Variants in SORCS3 observed in about 807,000 individuals in gnomAD.
The protein encoded by SORCS3 is sortilin related VPS10 domain containing receptor 3, also known as VPS10 domain-containing receptor SorCS3.
A neutral mutation model predicts 146.3 loss-of-function variants in SORCS3; 57 were observed. The observed-to-expected ratio is 0.39, with a 90% CI of 0.31 to 0.49. SORCS3 has a LOEUF of 0.49. Among genes scored for constraint, SORCS3 ranks in the 20% least tolerant of loss-of-function variants. SORCS3 has a pLI of 0.92. For synonymous variants in SORCS3, 653 were observed against 618.5 expected, an observed-to-expected ratio of 1.06 and a Z score of -0.83; for missense variants, 1,341 against 1,575.5, an observed-to-expected ratio of 0.85 and a Z score of 2.52.
chr10:105,154,968 C>G lies in SORCS3; in HGVS notation c.1483-2170C>G, dbSNP rs75476818. On this transcript the variant is annotated intron_variant, in intron 9 of 26. Coordinates refer to ENST00000369701, the MANE Select transcript of SORCS3 (RefSeq NM_014978.3). ...ATGTAAGGGCTTTGAACTATCCAAA[C>G]ACAAGTGGGAAATGTTCCGTTTGTT... Among the ~76,000 whole-genome samples the G allele has an allele frequency of 2.1e-3, 318 of 152,316 alleles. 2 individuals carry two copies. Among genetic ancestry groups the G allele is most frequent in the African/African-American group, 7.1e-3 (296 of 41,570 alleles).
intron 1 of SORCS3, among the ~76,000 whole-genome samples, chr10:104,720,438 A>C (rs34694345): frequency 0.21 from 32,372 of 152,168 alleles, 3,595 homozygotes; most frequent in Non-Finnish European, 0.25. Flanking sequence ...AATAAACATA[A>C]GTGTGCATGT....
chr10:105,123,624 A>G (rs562402243), intron 7 of SORCS3, among the ~76,000 whole-genome samples: 288 of 152,336 alleles, frequency 1.9e-3, no homozygotes, highest in Non-Finnish European at 3.2e-3. Flanking sequence ...AGTTCCTGCC[A>G]TAACAGGGTT....
At chr10:105,010,052 C>A (rs2055124438) in intron 4 of SORCS3, among the ~76,000 whole-genome samples, 1 of 152,124 alleles carries the variant, frequency 6.6e-6, no homozygotes, top group African/African-American at 2.4e-5. Context: ...AAATCTGACT[C>A]CCAGCTCTGG....
chr10:104,803,618 C>G lies in SORCS3; in HGVS notation c.628-39174C>G, dbSNP rs1323554632. 3.3e-5 allele frequency among the ~76,000 whole-genome samples: 5 copies of G among 152,186 alleles called. No individual in the cohort carries two copies. The East Asian group carries it at 9.6e-4, about 29-fold the overall frequency. On this transcript the variant is annotated intron_variant, in intron 1 of 26. Transcript: ENST00000369701. The stretch of plus-strand genomic sequence containing the variant: ...CTATAATCCTGTGTGTTGCCCATCA[C>G]TAGCACTTTTTCCCTTCTCCCTTAT...
At chr10:105,224,468 GTTTA>G (rs1235671199) in intron 20 of SORCS3, among the ~76,000 whole-genome samples, 2 of 152,096 alleles carry the variant, frequency 1.3e-5, no homozygotes, top group Non-Finnish European at 2.9e-5. Flanking sequence ...ATGTATCACA[GTTTA>G]TTTATCCATT....
chr10:105,242,484 TTATATATTTATATATATTTA>T (rs796397778), intron 20 of SORCS3, among the ~76,000 whole-genome samples: 32 of 80,742 alleles, frequency 4.0e-4, no homozygotes, highest in Admixed American at 1.6e-3. Context: ...ATTTATATAT[TTATATATTTATATATATTTA>T]TATATATTTA....
chr10:105,162,636 A>T (rs76839553), intron 11 of SORCS3, among the ~76,000 whole-genome samples: 3 of 152,160 alleles, frequency 2.0e-5, no homozygotes, highest in African/African-American at 7.2e-5. Context: ...TTGACAGAAG[A>T]TATTTCCACA....
At chr10:105,160,794 T>C (rs1223600204) in intron 11 of SORCS3, among the ~76,000 whole-genome samples, 1 of 152,244 alleles carries the variant, frequency 6.6e-6, no homozygotes, top group Non-Finnish European at 1.5e-5. Flanking sequence ...ATCCGATGCA[T>C]GCACTATGCA....
intron 1 of SORCS3, among the ~76,000 whole-genome samples, chr10:104,700,429 A>G (rs1011162235): frequency 1.3e-5 from 2 of 152,132 alleles, no homozygotes; most frequent in African/African-American, 4.8e-5. Context: ...GTGTTCTGGC[A>G]ATTTAGAGCT....
At chr10:104,943,303 GT>G (rs1445510293) in intron 3 of SORCS3, among the ~76,000 whole-genome samples, 1 of 152,004 alleles carries the variant, frequency 6.6e-6, no homozygotes, top group Non-Finnish European at 1.5e-5. Flanking sequence ...CTAATGTTTT[GT>G]ATTTTAGTAG....
At chr10:105,019,709 A>G (rs1486967556) in intron 4 of SORCS3, among the ~76,000 whole-genome samples, 1 of 152,164 alleles carries the variant, frequency 6.6e-6, no homozygotes, top group Admixed American at 6.5e-5. Flanking sequence ...ACCCTGTTCC[A>G]TGATGCACAT....
chr10:104,790,849 A>G (rs543397520), intron 1 of SORCS3, among the ~76,000 whole-genome samples: 2 of 152,334 alleles, frequency 1.3e-5, no homozygotes, highest in South Asian at 4.1e-4. Flanking sequence ...TATATGAGCA[A>G]TCACTATTGA....
intron 3 of SORCS3, among the ~76,000 whole-genome samples, chr10:104,965,514 G>A (rs2054821552): frequency 6.6e-6 from 1 of 152,168 alleles, no homozygotes; most frequent in Non-Finnish European, 1.5e-5. Context: ...TGTAGTGGCT[G>A]CACCATTTTT....
chr10:104,836,892 A>G (rs576751324), intron 1 of SORCS3, among the ~76,000 whole-genome samples: 2 of 148,982 alleles, frequency 1.3e-5, no homozygotes, highest in Admixed American at 6.6e-5. Context: ...ATTTAAAAAG[A>G]AAAAAAAGAA....
intron 7 of SORCS3, among the ~76,000 whole-genome samples, chr10:105,113,646 T>C (rs1274265366): frequency 6.6e-6 from 1 of 152,206 alleles, no homozygotes; most frequent in Non-Finnish European, 1.5e-5. Context: ...TTTATTTTCC[T>C]ATTGACTAGG....
At chr10:105,067,884 T>G (rs1422319866) in intron 5 of SORCS3, among the ~76,000 whole-genome samples, 1 of 152,060 alleles carries the variant, frequency 6.6e-6, no homozygotes, top group African/African-American at 2.4e-5. Flanking sequence ...CTTTGCTTGC[T>G]TCTCTTGGGT....
chr10:104,876,007 A>G (rs1232009393), intron 2 of SORCS3, among the ~76,000 whole-genome samples: 1 of 152,146 alleles, frequency 6.6e-6, no homozygotes, highest in East Asian at 1.9e-4. Context: ...TTTCTGAACC[A>G]TGTTTTTTTC....
intron 1 of SORCS3, among the ~76,000 whole-genome samples, chr10:104,702,029 A>T (rs1411368310): frequency 6.6e-6 from 1 of 152,154 alleles, no homozygotes; most frequent in African/African-American, 2.4e-5. Context: ...TGTGAAAGCA[A>T]CCATACACAA....
intron 4 of SORCS3, among the ~76,000 whole-genome samples, chr10:105,012,921 A>G (rs74155088): frequency 0.015 from 2,254 of 152,274 alleles, 50 homozygotes; most frequent in African/African-American, 0.051. Flanking sequence ...AACAAGCTGT[A>G]AAAAAAGATT....
Sources: gnomAD v4.1 joint callset for allele counts (sites outside exome capture counted in the v4.1 genomes callset) on GRCh38, gnomAD v4.1.1 for gene constraint, MANE v1.5 for transcripts, NCBI Gene and HGNC (gene_info 2026-07-23, HGNC 2026-07-21) for gene names.